BACH2: variants seen among roughly 807,000 people sequenced by gnomAD.
The protein encoded by BACH2 is transcription regulator protein BACH2.
BACH2 carries 5 observed loss-of-function variants against 61.8 expected under a neutral mutation model. That is an observed-to-expected ratio of 0.08 (90% CI 0.04 to 0.17). The LOEUF is 0.17. Ranked by LOEUF, BACH2 falls within the 10% of genes least tolerant of loss-of-function variation. The pLI is 1.00. For missense variants in BACH2, 824 were observed against 1,091.1 expected (o/e 0.76, Z 3.45); for synonymous variants, 446 against 440.1 (o/e 1.01, Z -0.17).
intron 6 of BACH2, among the ~76,000 whole-genome samples, chr6:89,990,970 C>A (rs186910914): frequency 6.6e-5 from 10 of 152,336 alleles, no homozygotes; most frequent in African/African-American, 2.2e-4. Context: ...AAGTTCTTCT[C>A]CTTAGGGAAG....
intron 8 of BACH2, 142 bp downstream of exon 8, chr6:89,938,002 C>G (rs1424093122): frequency 1.3e-6 from 1 of 743,008 alleles, no homozygotes; most frequent in Non-Finnish European, 2.2e-6. Context: ...GCTATTATTT[C>G]TGTTGAGAAA....
chr6:90,284,031 T>C (rs539547715), intron 1 of BACH2, among the ~76,000 whole-genome samples: 2 of 151,726 alleles, frequency 1.3e-5, no homozygotes, highest in African/African-American at 4.8e-5. Context: ...AATAAATAAA[T>C]AAATAAAGCA....
intron 4 of BACH2, among the ~76,000 whole-genome samples, chr6:90,133,665 A>G (rs753135329): frequency 3.9e-5 from 6 of 152,060 alleles, no homozygotes; most frequent in Non-Finnish European, 7.4e-5. Context: ...AACATTAGGT[A>G]TATCTCCTAA....
chr6:89,949,761 A>G (rs894505711), intron 7 of BACH2, among the ~76,000 whole-genome samples: 9 of 152,180 alleles, frequency 5.9e-5, no homozygotes. Context: ...TGTGATGGAC[A>G]TGGGATGGCC....
At chr6:90,038,155 T>C (rs2127790144) in intron 5 of BACH2, among the ~76,000 whole-genome samples, 1 of 152,324 alleles carries the variant, frequency 6.6e-6, no homozygotes, top group East Asian at 1.9e-4. Flanking sequence ...AAGAAGATTT[T>C]CCCCTTTTTG....
At chr6:89,991,735 G>A (rs1305547230) in intron 6 of BACH2, among the ~76,000 whole-genome samples, 1 of 151,114 alleles carries the variant, frequency 6.6e-6, no homozygotes, top group Non-Finnish European at 1.5e-5. Flanking sequence ...TTCAATCTGG[G>A]AGCCAATCAA....
At chr6:90,065,402 A>T (rs1429951420) in intron 5 of BACH2, among the ~76,000 whole-genome samples, 5 of 149,702 alleles carry the variant, frequency 3.3e-5, no homozygotes, top group African/African-American at 1.2e-4. Flanking sequence ...TCCCCAGACC[A>T]ACCATCCTAG....
intron 4 of BACH2, among the ~76,000 whole-genome samples, chr6:90,123,252 A>G (rs1582390872): frequency 6.6e-6 from 1 of 152,198 alleles, no homozygotes; most frequent in South Asian, 2.1e-4. Context: ...GGAGTCATTT[A>G]GCCATGAGCT....
rs569297687 is a variant in BACH2 at position 90,000,392 on chromosome 6, T to A, written c.243+8210A>T. ...ACCTGAAATATTTTGACTTCTTATT[T>A]ATTTGCTTTTTTTTCATCTGCTGCC... On this transcript the variant is annotated intron_variant, in intron 6 of 8. Transcript: ENST00000257749. 2.6e-5 allele frequency among the ~76,000 whole-genome samples: 4 copies of A among 152,338 alleles called. No individual in the cohort carries two copies. The South Asian group carries it at 8.3e-4, about 32-fold the overall frequency.
At chr6:89,999,132 G>A (rs1777001400) in intron 6 of BACH2, among the ~76,000 whole-genome samples, 1 of 152,210 alleles carries the variant, frequency 6.6e-6, no homozygotes, top group Non-Finnish European at 1.5e-5. Flanking sequence ...CTGTTTAACT[G>A]CAATCTCAGT....
At chr6:90,158,980 T>C (rs1221987155) in intron 4 of BACH2, among the ~76,000 whole-genome samples, 1 of 152,230 alleles carries the variant, frequency 6.6e-6, no homozygotes, top group African/African-American at 2.4e-5. Flanking sequence ...AATGGTCGAA[T>C]TAACCATCTT....
chr6:89,994,692 A>G (rs1417180236), intron 6 of BACH2, among the ~76,000 whole-genome samples: 3 of 152,318 alleles, frequency 2.0e-5, no homozygotes, highest in South Asian at 2.1e-4. Context: ...GCCATACTAC[A>G]GAGTTTCATT....
chr6:90,026,061 C>G (rs1410964572), intron 5 of BACH2, among the ~76,000 whole-genome samples: 1 of 152,126 alleles, frequency 6.6e-6, no homozygotes, highest in African/African-American at 2.4e-5. Context: ...AGAAATTATT[C>G]TGTCTTAGAA....
At chr6:90,064,440 A>G (rs1266138943) in intron 5 of BACH2, among the ~76,000 whole-genome samples, 2 of 152,194 alleles carry the variant, frequency 1.3e-5, no homozygotes, top group South Asian at 4.1e-4. Context: ...CCAGACAAGA[A>G]GGAGCATGGG....
intron 3 of BACH2, among the ~76,000 whole-genome samples, chr6:90,211,604 GTGTGTGTGT>G (rs1769354029): frequency 6.6e-6 from 1 of 150,884 alleles, no homozygotes; most frequent in Non-Finnish European, 1.5e-5. Flanking sequence ...GTGTGTGTGT[GTGTGTGTGT>G]GTGTGTGTGT....
chr6:89,986,169 G>T (rs1377626883), intron 6 of BACH2, among the ~76,000 whole-genome samples: 1 of 152,124 alleles, frequency 6.6e-6, no homozygotes, highest in African/African-American at 2.4e-5. Flanking sequence ...GGCCATGGAT[G>T]GGGGAGCTCT....
chr6:89,951,603 T>C lies in BACH2; in HGVS notation c.503A>G (p.Glu168Gly), dbSNP rs772782826. The change falls in exon 7 of 9, where the codon GAG (glutamate) becomes GGG (glycine). Residue 168 changes from glutamate to glycine, a missense_variant. By Grantham distance (98) the Glu-to-Gly change is moderately conservative. Around this residue, in one of 8 missense-constraint regions of BACH2, gnomAD observed 107 missense variants for 121.7 expected, o/e 0.88. Coordinates refer to ENST00000257749, the MANE Select transcript of BACH2 (RefSeq NM_021813.4). The surrounding 1 kb of genome is among the most constrained non-coding windows in gnomAD (Gnocchi z 6.4). ...GGCCGTCTCTGAATCCATCGTCTCC[T>C]CCTCTTCATCCTCCTCCTCTCCTGC... ...NSAGEEEDEE[E>G]ETMDSETAKM... The C allele has an allele frequency of 3.1e-6, 5 of 1,614,150 alleles. No individual in the cohort carries two copies. In the South Asian group the frequency reaches 5.5e-5, roughly 18 times the overall value.
At chr6:90,276,965 T>C (rs556311207) in intron 1 of BACH2, among the ~76,000 whole-genome samples, 2 of 152,200 alleles carry the variant, frequency 1.3e-5, no homozygotes, top group Non-Finnish European at 2.9e-5. Flanking sequence ...AAAAATGTGT[T>C]CGGGCATTAA....
At chr6:90,070,038 C>T (rs1781152795) in intron 5 of BACH2, among the ~76,000 whole-genome samples, 2 of 152,250 alleles carry the variant, frequency 1.3e-5, no homozygotes, top group South Asian at 2.1e-4. Context: ...GTGGCAGTTA[C>T]TCTGCTGGGG....
Sources: gnomAD v4.1 joint callset for allele counts (sites outside exome capture counted in the v4.1 genomes callset) on GRCh38, gnomAD v4.1.1 for gene constraint, gnomAD v4.1.1 regional missense constraint, Gnocchi (gnomAD v3.1) non-coding constraint, MANE v1.5 for transcripts, NCBI Gene and HGNC (gene_info 2026-07-23, HGNC 2026-07-21) for gene names.